The following VSTM2B variants were observed in gnomAD, a reference collection of about 807,000 sequenced individuals.
VSTM2B encodes V-set and transmembrane domain-containing protein 2B.
In VSTM2B, 24 loss-of-function variants were observed where a neutral mutation model predicts 24.0. The ratio of observed to expected loss-of-function variants is 1.00; its 90% CI spans 0.72 to 1.40. The LOEUF (loss-of-function observed/expected upper bound fraction) is 1.40, where lower values mean the gene tolerates loss of function less well. VSTM2B is among the 40% of genes most tolerant of loss of function. The probability of loss-of-function intolerance (pLI) is 0.00; values close to 1 mark genes in which losing one functional copy is unlikely to be tolerated. For missense variants in VSTM2B, 399 were observed against 416.4 expected (o/e 0.96, Z 0.36); for synonymous variants, 226 against 194.4 (o/e 1.16, Z -1.35).
intron 4 of VSTM2B, among the ~76,000 whole-genome samples, chr19:29,561,907 G>T (rs1372053389): frequency 6.6e-6 from 1 of 152,158 alleles, no homozygotes; most frequent in Non-Finnish European, 1.5e-5. Flanking sequence ...CCACAAAAGG[G>T]GCCCAGAGGC....
At chr19:29,544,917 C>T (rs561821812) in intron 4 of VSTM2B, among the ~76,000 whole-genome samples, 9 of 152,174 alleles carry the variant, frequency 5.9e-5, no homozygotes, top group East Asian at 1.9e-4. Context: ...GTTCCGGCAC[C>T]GTGCTGGGTA....
chr19:29,553,396 A>C (rs1970330375), intron 4 of VSTM2B, among the ~76,000 whole-genome samples: 2 of 152,260 alleles, frequency 1.3e-5, no homozygotes, highest in South Asian at 4.1e-4. Context: ...GCAAACAAAC[A>C]GAAAGCAACA....
chr19:29,526,957 G>T lies in VSTM2B; in HGVS notation c.83-254G>T, dbSNP rs1487909481. On this transcript the variant is annotated intron_variant, in intron 1 of 4. Transcript: ENST00000335523. The surrounding 1 kb of genome is among the most constrained non-coding windows in gnomAD (Gnocchi z 4.1). ...AGGCTCTGGCGGTGCGGCCAGGGGC[G>T]GGGGAGAAGCACGAGTCGCCCCTGC... is the stretch of plus-strand genomic sequence containing the variant. 1.9e-5 allele frequency: 9 copies of T among 469,106 alleles called. 1 individual carries two copies. The South Asian group carries it at 2.4e-4, about 12-fold the overall frequency. The allele number at this position is 469,106 out of a possible 1,614,324, so 29.1% of individuals were successfully genotyped here. A position where few individuals can be genotyped will look rare whatever the true frequency, so the allele number is the denominator to read the frequency against.
chr19:29,537,622 G>A (rs1296977217), intron 4 of VSTM2B, among the ~76,000 whole-genome samples: 1 of 151,712 alleles, frequency 6.6e-6, no homozygotes. Flanking sequence ...CAAGAGGAAC[G>A]TTGAGGGGTC....
At chr19:29,552,672 G>A (rs1392594344) in intron 4 of VSTM2B, among the ~76,000 whole-genome samples, 3 of 152,236 alleles carry the variant, frequency 2.0e-5, no homozygotes, top group South Asian at 2.1e-4. Flanking sequence ...GGGGAGAGGG[G>A]CAGCTGTCAT....
intron 4 of VSTM2B, among the ~76,000 whole-genome samples, chr19:29,539,630 G>A (rs1190842128): frequency 6.6e-6 from 1 of 152,190 alleles, no homozygotes; most frequent in Non-Finnish European, 1.5e-5. Flanking sequence ...GACATGTGCT[G>A]GTTCTTCCAC....
chr19:29,555,579 C>T (rs147060591), intron 4 of VSTM2B, among the ~76,000 whole-genome samples: 4 of 151,884 alleles, frequency 2.6e-5, no homozygotes, highest in Admixed American at 2.0e-4. Flanking sequence ...CTAAAGGAAA[C>T]AGAGACATGA....
chr19:29,544,542 A>C (rs1005349347), intron 4 of VSTM2B, among the ~76,000 whole-genome samples: 11 of 150,694 alleles, frequency 7.3e-5, no homozygotes, highest in African/African-American at 2.7e-4. Context: ...AAAAAAAAAA[A>C]AAAAAAAAAA....
chr19:29,543,248 T>G lies in VSTM2B; in HGVS notation c.769+12958T>G, dbSNP rs184539613. On this transcript the variant is annotated intron_variant, in intron 4 of 4. Transcript: ENST00000335523. Reference sequence around the variant, plus strand: ...AAATACACCAGGCAATAATTCATAATGCATTCTATTCTACAGAGTCATATT... The same window carrying G: ...AAATACACCAGGCAATAATTCATAAGGCATTCTATTCTACAGAGTCATATT... Among the ~76,000 whole-genome samples the G allele has an allele frequency of 1.2e-3, 183 of 152,366 alleles. 1 individual carries two copies. Among genetic ancestry groups the G allele is most frequent in the Non-Finnish European group, 2.0e-3 (138 of 68,036 alleles).
chr19:29,562,592 T>C (rs1250935766), intron 4 of VSTM2B, among the ~76,000 whole-genome samples: 1 of 152,158 alleles, frequency 6.6e-6, no homozygotes, highest in Non-Finnish European at 1.5e-5. Context: ...GGCTGAAAAC[T>C]GCATCCATTC....
chr19:29,544,103 GTA>G (rs1219853734), intron 4 of VSTM2B, among the ~76,000 whole-genome samples: 4 of 149,834 alleles, frequency 2.7e-5, no homozygotes, highest in Non-Finnish European at 4.4e-5. Context: ...TCTCCTGTGT[GTA>G]TATATATACC....
rs1055030472 is a variant in VSTM2B at position 29,526,978 on chromosome 19, C to A, written c.83-233C>A. 9 of 480,122 alleles carry A rather than the reference C, an allele frequency of 1.9e-5. No individual in the cohort carries two copies. The South Asian group carries it at 3.1e-4, about 16-fold the overall frequency. The allele number at this position is 480,122 out of a possible 1,614,324, so 29.7% of individuals were successfully genotyped here. On this transcript the variant is annotated intron_variant, in intron 1 of 4. Transcript: ENST00000335523. The surrounding 1 kb of genome is among the most constrained non-coding windows in gnomAD (Gnocchi z 4.1). ...GGGCGGGGGAGAAGCACGAGTCGCCCCTGCCGCCCCGCCCCATCCGGAGGG... is the reference window on the plus strand; with the variant it reads ...GGGCGGGGGAGAAGCACGAGTCGCCACTGCCGCCCCGCCCCATCCGGAGGG...
chr19:29,551,008 G>A lies in VSTM2B; in HGVS notation c.770-12838G>A, dbSNP rs561845962. On this transcript the variant is annotated intron_variant, in intron 4 of 4. Transcript: ENST00000335523. Reference sequence around the variant, plus strand: ...AAAACAAGGGCCACAGACTACAGCTGGGGCCCATATTACCCCAAAGGCAGA... The same window carrying A: ...AAAACAAGGGCCACAGACTACAGCTAGGGCCCATATTACCCCAAAGGCAGA... 2.6e-5 allele frequency among the ~76,000 whole-genome samples: 4 copies of A among 152,292 alleles called. No individual in the cohort carries two copies. In the East Asian group the frequency reaches 7.7e-4, roughly 29 times the overall value.
intron 4 of VSTM2B, among the ~76,000 whole-genome samples, chr19:29,543,724 G>A (rs1164770954): frequency 1.3e-5 from 2 of 152,222 alleles, no homozygotes; most frequent in Non-Finnish European, 2.9e-5. Flanking sequence ...AGGTTGGGAA[G>A]ATTGTAGCAT....
In VSTM2B at chr19:29,529,970, C is replaced by T. The variant is rs747738641; in HGVS notation, c.449C>T (p.Ser150Leu). The T allele has an allele frequency of 5.2e-6, 8 of 1,546,514 alleles. No individual in the cohort carries two copies. The Admixed American group carries it at 5.9e-5, about 11-fold the overall frequency. Residue 150 changes from serine to leucine, a missense_variant, in exon 4 of 5, where the codon TCG becomes TTG. Transcript: ENST00000335523. Reference protein sequence around the residue: ...HKAQAMLRVLSRFAPPNMQAA... With the variant: ...HKAQAMLRVLLRFAPPNMQAA... ...GCCCAGGCGATGCTGCGCGTGCTCT[C>T]GCGCTTCGCGCCGCCCAACATGCAG...
At chr19:29,528,713 T>G (rs1969647645) in intron 3 of VSTM2B, among the ~76,000 whole-genome samples, 1 of 152,230 alleles carries the variant, frequency 6.6e-6, no homozygotes, top group Non-Finnish European at 1.5e-5. Flanking sequence ...GGCGCTGACC[T>G]GTAAAACTCC....
chr19:29,534,902 C>T (rs11673324), intron 4 of VSTM2B, among the ~76,000 whole-genome samples: 36,818 of 151,938 alleles, frequency 0.24, 4,836 homozygotes, highest in East Asian at 0.43. Context: ...TTTGGTAATG[C>T]CACGAAGGAG....
intron 4 of VSTM2B, among the ~76,000 whole-genome samples, chr19:29,561,389 C>T (rs140622162): frequency 0.055 from 8,291 of 152,072 alleles, 284 homozygotes; most frequent in African/African-American, 0.1. Flanking sequence ...TTTGGGAGGC[C>T]GAGGCAGGTG....
chr19:29,545,515 A>T (rs150602694), intron 4 of VSTM2B, among the ~76,000 whole-genome samples: 244 of 152,316 alleles, frequency 1.6e-3, no homozygotes, highest in Middle Eastern at 3.4e-3. Context: ...CAGGAGGCTG[A>T]GGCAGGAGAA....
Sources: gnomAD v4.1 joint callset for allele counts (sites outside exome capture counted in the v4.1 genomes callset) on GRCh38, gnomAD v4.1.1 for gene constraint, Gnocchi (gnomAD v3.1) non-coding constraint, MANE v1.5 for transcripts, NCBI Gene and HGNC (gene_info 2026-07-23, HGNC 2026-07-21) for gene names.